SMC5: variants seen among roughly 807,000 people sequenced by gnomAD.
The protein encoded by SMC5 is structural maintenance of chromosomes 5.
In SMC5, 88 loss-of-function variants were observed where a neutral mutation model predicts 148.3. The ratio of observed to expected loss-of-function variants is 0.59; its 90% CI spans 0.50 to 0.71. The LOEUF is 0.71. Ranked by LOEUF, SMC5 falls within the 30% of genes least tolerant of loss-of-function variation. The probability of loss-of-function intolerance (pLI) is 0.00; values close to 1 mark genes in which losing one functional copy is unlikely to be tolerated. For missense variants in SMC5, 1,142 were observed against 1,298.9 expected (o/e 0.88, Z 1.86); for synonymous variants, 421 against 432.8 (o/e 0.97, Z 0.34).
intron 9 of SMC5, among the ~76,000 whole-genome samples, chr9:70,299,321 G>A (rs2118397490): frequency 6.6e-6 from 1 of 151,568 alleles, no homozygotes. Context: ...CTTTTAAAAA[G>A]CTTTTAATTT....
chr9:70,344,023 T>G (rs2036595392), intron 17 of SMC5, 121 bp from the exon 18 acceptor site: 1 of 569,152 alleles, frequency 1.8e-6, no homozygotes, highest in South Asian at 5.5e-5. Flanking sequence ...AGAAACAGTT[T>G]CAGATAATTT....
At chr9:70,281,465 A>G (rs2034748437) in intron 6 of SMC5, among the ~76,000 whole-genome samples, 1 of 152,180 alleles carries the variant, frequency 6.6e-6, no homozygotes, top group African/African-American at 2.4e-5. Context: ...TTGTTGTTTT[A>G]AAGATGTTAA....
intron 18 of SMC5, 26 bp from the exon 19 acceptor site, chr9:70,346,579 A>G (rs1411158157): frequency 6.2e-7 from 1 of 1,613,216 alleles, no homozygotes; most frequent in Non-Finnish European, 8.5e-7. Context: ...TGCCCCACAT[A>G]TTCTGGACCC....
intron 17 of SMC5, among the ~76,000 whole-genome samples, chr9:70,337,450 G>GTTT (rs201218742): frequency 2.1e-4 from 25 of 119,894 alleles, no homozygotes; most frequent in African/African-American, 5.9e-4. Flanking sequence ...TTTGGGATTT[G>GTTT]TTTTTTTTTT....
At position 70,352,657 on chromosome 9, in the gene SMC5, A is replaced by G. The variant is rs2036831276; in HGVS notation, c.*326A>G. On this transcript the variant is annotated 3_prime_UTR_variant, in exon 25 of 25. Coordinates refer to ENST00000361138, the MANE Select transcript of SMC5 (RefSeq NM_015110.4). ...GGGTTAATCACAAGAAGTTACTTAT[A>G]TGGTAGCCCTGAGCTTTAATTGCAG... 1 of 199,114 alleles carries G rather than the reference A, an allele frequency of 5.0e-6. No individual in the cohort carries two copies. Among genetic ancestry groups the G allele is most frequent in the Non-Finnish European group, 1.0e-5 (1 of 97,786 alleles). The allele number at this position is 199,114 out of a possible 1,614,324, so 12.3% of individuals were successfully genotyped here. A position where few individuals can be genotyped will look rare whatever the true frequency, so the allele number is the denominator to read the frequency against.
In SMC5 at chr9:70,264,310, T is replaced by C. The variant is rs2034215270; in HGVS notation, c.192T>C (p.Tyr64=). ...VRISMENFLT[Y]DICEVSPGPH... ...TCATCTCTTTATAATTCAGAACATA[T>C]GATATTTGTGAAGTATCTCCTGGAC... The change falls in exon 2 of 25, where the codon TAT becomes TAC. Residue 64 remains tyrosine (Y), a synonymous_variant. Coordinates refer to ENST00000361138, the MANE Select transcript of SMC5 (RefSeq NM_015110.4). 11 of 1,613,066 alleles carry C rather than the reference T, an allele frequency of 6.8e-6. No individual in the cohort carries two copies. The highest frequency in any genetic ancestry group is 1.1e-5 in the South Asian group (1 of 90,856).
Position 70,324,132 on chromosome 9 carries a change from C to T in SMC5, c.2386C>T (p.Arg796Cys), listed in dbSNP as rs772322636. Residue 796 changes from arginine to cysteine, a missense_variant, in exon 17 of 25, where the codon CGT (arginine) becomes TGT (cysteine). Coordinates refer to ENST00000361138, the MANE Select transcript of SMC5 (RefSeq NM_015110.4). ...TTATATGGCCGCATCTTCACAACTC[C>T]GTCTTACAGAGGTAAAATTTTTGCC... ...SDYMAASSQLRLTEQHFIELD... is the reference protein window; with the variant it reads ...SDYMAASSQLCLTEQHFIELD... 24 of 1,588,338 alleles carry T rather than the reference C, an allele frequency of 1.5e-5. No homozygotes were observed. Among genetic ancestry groups the T allele is most frequent in the South Asian group, 3.5e-5 (3 of 85,536 alleles).
chr9:70,346,410 C>T (rs1347624343), intron 18 of SMC5, 195 bp from the exon 19 acceptor site: 2 of 608,992 alleles, frequency 3.3e-6, no homozygotes, highest in Non-Finnish European at 2.9e-6. Flanking sequence ...ATTGCCTCCC[C>T]TCAAAAAAAA....
chr9:70,260,537 C>CT (rs996573940), intron 1 of SMC5, among the ~76,000 whole-genome samples: 4 of 152,166 alleles, frequency 2.6e-5, no homozygotes, highest in African/African-American at 9.7e-5. Context: ...CATAACAACT[C>CT]TATCTTGATA....
At chr9:70,328,645 G>A (rs1401512597) in intron 17 of SMC5, among the ~76,000 whole-genome samples, 3 of 152,112 alleles carry the variant, frequency 2.0e-5, no homozygotes, top group Non-Finnish European at 4.4e-5. Flanking sequence ...AGCTTTTCTT[G>A]GCACACGGTG....
intron 3 of SMC5, among the ~76,000 whole-genome samples, chr9:70,273,070 A>C (rs899132020): frequency 2.6e-5 from 4 of 151,892 alleles, no homozygotes; most frequent in Non-Finnish European, 5.9e-5. Flanking sequence ...TTTTATTTAG[A>C]ATTTTTACAT....
intron 15 of SMC5, among the ~76,000 whole-genome samples, chr9:70,322,601 C>T (rs2035977494): frequency 6.6e-6 from 1 of 152,054 alleles, no homozygotes; most frequent in Non-Finnish European, 1.5e-5. Flanking sequence ...TTTGGGAGGC[C>T]GAGGTGCGTG....
chr9:70,266,120 TC>T (rs1284448101), intron 2 of SMC5, among the ~76,000 whole-genome samples: 1 of 151,988 alleles, frequency 6.6e-6, no homozygotes, highest in Non-Finnish European at 1.5e-5. Flanking sequence ...TCAAAAAATT[TC>T]AAAAAATGGA....
chr9:70,293,573 G>A (rs1343026798), intron 8 of SMC5, among the ~76,000 whole-genome samples: 4 of 151,802 alleles, frequency 2.6e-5, no homozygotes, highest in African/African-American at 9.7e-5. Flanking sequence ...TATACACTTG[G>A]TGTTATACAT....
At chr9:70,309,519 A>G (rs2035604784) in intron 11 of SMC5, among the ~76,000 whole-genome samples, 1 of 151,538 alleles carries the variant, frequency 6.6e-6, no homozygotes, top group South Asian at 2.1e-4. Context: ...CATATTCTAA[A>G]TCATTTGTTG....
Position 70,282,586 on chromosome 9 carries a change from A to G in SMC5, c.981+3A>G. The G allele has an allele frequency of 6.4e-7, 1 of 1,551,592 alleles. No individual in the cohort carries two copies. The highest frequency in any genetic ancestry group is 8.6e-7 in the Non-Finnish European group (1 of 1,159,120). ...TGGAGGCTCGAATCAAAGAAAAGGT[A>G]CTTTTTGGTTTCAATTTTGGATTAT... On this transcript the variant is annotated splice_donor_region_variant and intron_variant, in intron 7 of 24. Coordinates refer to ENST00000361138, the MANE Select transcript of SMC5 (RefSeq NM_015110.4).
At chr9:70,343,436 G>T (rs547310708) in intron 17 of SMC5, among the ~76,000 whole-genome samples, 41 of 152,266 alleles carry the variant, frequency 2.7e-4, no homozygotes, top group African/African-American at 9.6e-4. Context: ...AAACTATCAA[G>T]CATGATTTAA....
rs2034728455 is a variant in SMC5 at position 70,280,747 on chromosome 9, T to C, written c.679-12T>C. ...TCTGTCAAACTGATTGTTCAACATA[T>C]ATTTATTGTAGACCTCATGCAAAGA... On this transcript the variant is annotated splice_polypyrimidine_tract_variant and intron_variant, in intron 5 of 24. Transcript: ENST00000361138. 6.2e-7 allele frequency: 1 copy of C among 1,600,944 alleles called. No individual in the cohort carries two copies. Among genetic ancestry groups the C allele is most frequent in the African/African-American group, 1.3e-5 (1 of 74,138 alleles).
rs758285133 is a variant in SMC5, at chr9:70,324,036, C to G, written c.2290C>G (p.His764Asp). ...TTGTTCCTAGATTTGTACTTCTTTG[C>G]ATATACAAAAAGTAGATTTAATTCT... ...TNLIKICTSL[H>D]IQKVDLILQN... The change falls in exon 17 of 25, where the codon CAT (histidine) becomes GAT (aspartate). Residue 764 changes from histidine (H) to aspartate (D), a missense_variant. Transcript: ENST00000361138. 6.4e-7 allele frequency: 1 copy of G among 1,573,976 alleles called. No individual in the cohort carries two copies. Among genetic ancestry groups the G allele is most frequent in the African/African-American group, 1.4e-5 (1 of 72,688 alleles).
Sources: gnomAD v4.1 joint callset for allele counts (sites outside exome capture counted in the v4.1 genomes callset) on GRCh38, gnomAD v4.1.1 for gene constraint, MANE v1.5 for transcripts, NCBI Gene and HGNC (gene_info 2026-07-23, HGNC 2026-07-21) for gene names.